PATJ: variants seen among roughly 807,000 people sequenced by gnomAD.
PATJ encodes inaD-like protein.
PATJ carries 190 observed loss-of-function variants against 224.9 expected under a neutral mutation model. The ratio of observed to expected loss-of-function variants is 0.84; its 90% CI spans 0.75 to 0.95. The LOEUF is 0.95. Ranked by LOEUF, PATJ falls within the 40% of genes least tolerant of loss-of-function variation. The pLI is 0.00. For missense variants in PATJ, 2,121 were observed against 2,270.3 expected (o/e 0.93, Z 1.34); for synonymous variants, 769 against 820.3 (o/e 0.94, Z 1.07).
intron 29 of PATJ, among the ~76,000 whole-genome samples, chr1:62,021,029 A>T (rs1046068518): frequency 2.6e-5 from 4 of 151,872 alleles, no homozygotes; most frequent in African/African-American, 9.7e-5. Context: ...GGGTTTCACT[A>T]TGTTGGCCAG....
At chr1:62,140,571 T>G (rs1387452554) in intron 41 of PATJ, among the ~76,000 whole-genome samples, 1 of 152,038 alleles carries the variant, frequency 6.6e-6, no homozygotes, top group Non-Finnish European at 1.5e-5. Context: ...TAGAATCACT[T>G]GAACCTGGGA....
chr1:62,029,337 A>G (rs1396412366), intron 29 of PATJ, among the ~76,000 whole-genome samples: 2 of 152,204 alleles, frequency 1.3e-5, no homozygotes, highest in Admixed American at 6.5e-5. Flanking sequence ...TTCATCATTC[A>G]TAAATTGTCA....
At chr1:61,807,654 C>T (rs1439680714) in intron 13 of PATJ, among the ~76,000 whole-genome samples, 1 of 152,160 alleles carries the variant, frequency 6.6e-6, no homozygotes, top group Non-Finnish European at 1.5e-5. Context: ...CAGAAAGAAG[C>T]TAGGCATGAT....
Position 61,769,306 on chromosome 1 carries a change from T to A in PATJ, c.408T>A (p.Asp136Glu). 1 of 1,612,696 alleles carries A rather than the reference T, an allele frequency of 6.2e-7. No individual in the cohort carries two copies. The highest frequency in any genetic ancestry group is 8.5e-7 in the Non-Finnish European group (1 of 1,179,666). The change falls in exon 5 of 44, where the codon GAT becomes GAA. Residue 136 changes from aspartate (D) to glutamate (E), a missense_variant. Physicochemically the swap from Asp to Glu is conservative, Grantham distance 45. Coordinates refer to ENST00000642238, the MANE Select transcript of PATJ (RefSeq NM_001350145.3). ...MAQGRQIEYI[D>E]IERPSTGGLG... ...AGGGCCGGCAAATTGAATATATAGATATAGAACGGCCTTCAACTGGAGGCC... is the reference window on the plus strand; with the variant it reads ...AGGGCCGGCAAATTGAATATATAGAAATAGAACGGCCTTCAACTGGAGGCC...
intron 3 of PATJ, among the ~76,000 whole-genome samples, 182 bp from the exon 4 acceptor site, chr1:61,766,097 A>G (rs1646254695): frequency 6.6e-6 from 1 of 152,222 alleles, no homozygotes; most frequent in Non-Finnish European, 1.5e-5. Context: ...CATTTTGTGT[A>G]ATACTAAATT....
intron 5 of PATJ, among the ~76,000 whole-genome samples, chr1:61,769,921 G>A (rs1391876774): frequency 2.0e-5 from 3 of 152,046 alleles, no homozygotes; most frequent in African/African-American, 7.2e-5. Flanking sequence ...CAGTTAAGAG[G>A]CCCCTCAAGT....
intron 33 of PATJ, 33 bp downstream of exon 33, chr1:62,084,681 C>T (rs1353762225): frequency 6.2e-7 from 1 of 1,606,072 alleles, no homozygotes; most frequent in African/African-American, 1.3e-5. Flanking sequence ...TATCCACTGT[C>T]ATAGAACTAG....
chr1:61,749,916 G>C (rs1645230279), intron 1 of PATJ, among the ~76,000 whole-genome samples: 1 of 152,148 alleles, frequency 6.6e-6, no homozygotes. Flanking sequence ...GGGCTCAAGT[G>C]ATCTGCCTGC....
At chr1:61,954,235 T>C (rs566328633) in intron 27 of PATJ, among the ~76,000 whole-genome samples, 2 of 152,248 alleles carry the variant, frequency 1.3e-5, no homozygotes, top group Non-Finnish European at 2.9e-5. Flanking sequence ...ACTTAGTCTA[T>C]CTTATATTAT....
rs1653503909 is a variant in PATJ, at chr1:62,050,987, A to G, written c.4054A>G (p.Ile1352Val). The G allele has an allele frequency of 1.9e-6, 3 of 1,613,930 alleles. No homozygotes were observed. The highest frequency in any genetic ancestry group is 2.2e-5 in the East Asian group (1 of 44,866). ...ATAGGATCAGAGCGGCACCGAACCT[A>G]TTAGTAGTGAGGAAGATGGCAGCGT... ...SIEDQSGTEPISSEEDGSVEV... is the reference protein window; with the variant it reads ...SIEDQSGTEPVSSEEDGSVEV... Residue 1352 changes from isoleucine (I) to valine (V), a missense_variant, in exon 31 of 44, where the codon ATT becomes GTT. Coordinates refer to ENST00000642238, the MANE Select transcript of PATJ (RefSeq NM_001350145.3).
chr1:61,767,594 G>A (rs975288416), intron 4 of PATJ, among the ~76,000 whole-genome samples: 1 of 151,506 alleles, frequency 6.6e-6, no homozygotes, highest in Non-Finnish European at 1.5e-5. Flanking sequence ...AATAGAATCT[G>A]TTTAAGGTGT....
chr1:62,004,973 T>C (rs1358206646), intron 28 of PATJ, among the ~76,000 whole-genome samples: 1 of 152,218 alleles, frequency 6.6e-6, no homozygotes, highest in African/African-American at 2.4e-5. Context: ...TGACAATGCA[T>C]CTACATCTGT....
intron 27 of PATJ, among the ~76,000 whole-genome samples, chr1:61,948,706 A>G (rs574845052): frequency 1.5e-4 from 23 of 152,312 alleles, no homozygotes; most frequent in South Asian, 4.1e-4. Flanking sequence ...CAGCCATCCC[A>G]TTACTGGGCA....
intron 31 of PATJ, among the ~76,000 whole-genome samples, chr1:62,060,930 G>A (rs538749673): frequency 1.8e-4 from 27 of 152,222 alleles, no homozygotes; most frequent in East Asian, 9.7e-4. Flanking sequence ...GATCTCAGAG[G>A]GTTTACCCAC....
chr1:62,038,779 C>T, intron 30 of PATJ: 1 of 507,534 alleles, frequency 2.0e-6, no homozygotes, highest in East Asian at 3.8e-5. Flanking sequence ...TTGTGCAATA[C>T]ACATTATTTT....
chr1:62,108,888 G>A (rs1570636253), intron 34 of PATJ, among the ~76,000 whole-genome samples: 1 of 152,112 alleles, frequency 6.6e-6, no homozygotes. Flanking sequence ...ATATATACCT[G>A]ATATTTTAAA....
At chr1:62,103,338 A>C (rs1006365819) in intron 33 of PATJ, among the ~76,000 whole-genome samples, 1 of 152,228 alleles carries the variant, frequency 6.6e-6, no homozygotes, top group African/African-American at 2.4e-5. Context: ...CCTCAGCTGT[A>C]AGTGGAACTA....
chr1:62,089,387 TAA>T (rs11371202), intron 33 of PATJ, among the ~76,000 whole-genome samples: 13 of 143,852 alleles, frequency 9.0e-5, no homozygotes, highest in African/African-American at 1.3e-4. Context: ...GTGAGGCAGC[TAA>T]AAAAAAAAAA....
rs145837024 is a variant in PATJ at position 62,086,228 on chromosome 1, A to ATGTGTGTGTGTGTG, written c.4377+1582_4377+1595dup. On this transcript the variant is annotated intron_variant, in intron 33 of 43. Coordinates refer to ENST00000642238, the MANE Select transcript of PATJ (RefSeq NM_001350145.3). This position sits in a 1 kb window ranked among gnomAD's most constrained non-coding sequence, Gnocchi z 4.0. ...TACTCAAGATGTGATTAATTAATGCATGTGTGTGTGTGTGTATGTGTGTGT... is the reference window on the plus strand; with the variant it reads ...TACTCAAGATGTGATTAATTAATGCATGTGTGTGTGTGTGTGTGTGTGTGTGTGTATGTGTGTGT... 3.6e-4 allele frequency among the ~76,000 whole-genome samples: 54 copies of ATGTGTGTGTGTGTG among 150,336 alleles called. No homozygotes were observed. The highest frequency in any genetic ancestry group is 6.8e-3 in the Middle Eastern group (2 of 292).
Sources: gnomAD v4.1 joint callset for allele counts (sites outside exome capture counted in the v4.1 genomes callset) on GRCh38, gnomAD v4.1.1 for gene constraint, Gnocchi (gnomAD v3.1) non-coding constraint, MANE v1.5 for transcripts, NCBI Gene and HGNC (gene_info 2026-07-23, HGNC 2026-07-21) for gene names.